The following KDM4C variants were observed in gnomAD, a reference collection of about 807,000 sequenced individuals.
KDM4C encodes lysine demethylase 4C.
In KDM4C, 81 loss-of-function variants were observed where a neutral mutation model predicts 129.3. That is an observed-to-expected ratio of 0.63 (90% CI 0.52 to 0.75). The LOEUF (loss-of-function observed/expected upper bound fraction) is 0.75. Among genes scored for constraint, KDM4C ranks in the 30% least tolerant of loss-of-function variants. The pLI, the probability that KDM4C is intolerant of heterozygous loss-of-function variation, is 0.00. For synonymous variants in KDM4C, 573 were observed against 456.1 expected, an observed-to-expected ratio of 1.26 and a Z score of -3.26; for missense variants, 1,457 against 1,304.0, an observed-to-expected ratio of 1.12 and a Z score of -1.81.
intron 9 of KDM4C, among the ~76,000 whole-genome samples, chr9:6,983,469 G>C (rs1441362712): frequency 1.3e-5 from 2 of 152,056 alleles, no homozygotes; most frequent in Non-Finnish European, 2.9e-5. Context: ...GAATGTGGTG[G>C]CTCATGCCTG....
chr9:6,815,764 C>T (rs944300456), intron 4 of KDM4C, among the ~76,000 whole-genome samples: 2 of 152,120 alleles, frequency 1.3e-5, no homozygotes, highest in Non-Finnish European at 2.9e-5. Flanking sequence ...GCAAATACTC[C>T]AAAATGGGGA....
rs1817923695 is a variant in KDM4C at position 6,747,539 on chromosome 9, C to CAGA, written c.49+26543_49+26544insGAA. 1.5e-4 allele frequency among the ~76,000 whole-genome samples: 15 copies of CAGA among 98,006 alleles called. No individual in the cohort carries two copies. In the South Asian group the frequency reaches 4.9e-3, roughly 32 times the overall value. The allele number at this position is 98,006 out of a possible 152,430, so 64.3% of individuals were successfully genotyped here. On this transcript the variant is annotated intron_variant, in intron 1 of 17. Coordinates refer to the KDM4C transcript ENST00000536108. ...CTCCAACCTGGATGACAGGGCGATT[C>CAGA]AAAAAAAAAAAAAAAAAAAAGAATA...
chr9:6,875,838 T>G (rs1296199173), intron 5 of KDM4C, among the ~76,000 whole-genome samples: 1 of 152,200 alleles, frequency 6.6e-6, no homozygotes, highest in Admixed American at 6.5e-5. Flanking sequence ...TGGCAGGTGC[T>G]CAGCACCTAT....
At chr9:6,782,737 C>G (rs974503472) in intron 1 of KDM4C, among the ~76,000 whole-genome samples, 28 of 151,978 alleles carry the variant, frequency 1.8e-4, no homozygotes, top group African/African-American at 6.5e-4. Flanking sequence ...CGATATTGAG[C>G]TATTGAAGGG....
chr9:7,009,870 C>G (rs1044626045), intron 12 of KDM4C, among the ~76,000 whole-genome samples: 1 of 152,050 alleles, frequency 6.6e-6, no homozygotes, highest in African/African-American at 2.4e-5. Context: ...TAGAACATTT[C>G]TCATAGACTC....
chr9:6,975,587 A>G (rs1036332563), intron 8 of KDM4C, among the ~76,000 whole-genome samples: 1 of 152,128 alleles, frequency 6.6e-6, no homozygotes, highest in Non-Finnish European at 1.5e-5. Context: ...AAGGTTATTT[A>G]ACAAACATTT....
At chr9:6,754,045 T>A (rs1818161893), upstream of KDM4C, among the ~76,000 whole-genome samples, 1 of 151,460 alleles carries the variant, frequency 6.6e-6, no homozygotes, top group Non-Finnish European at 1.5e-5. Flanking sequence ...TGGCTAATTT[T>A]TTGTATTTTT....
At chr9:6,830,121 A>G (rs1003217998) in intron 4 of KDM4C, among the ~76,000 whole-genome samples, 1 of 152,244 alleles carries the variant, frequency 6.6e-6, no homozygotes, top group Non-Finnish European at 1.5e-5. Flanking sequence ...AACAACTTAC[A>G]TGTTACAAAG....
At chr9:6,764,069 T>G (rs1318958342) in intron 1 of KDM4C, among the ~76,000 whole-genome samples, 2 of 152,192 alleles carry the variant, frequency 1.3e-5, no homozygotes. Context: ...AGAATACACT[T>G]TTAACAGTTT....
chr9:6,775,463 T>C (rs910304192), intron 1 of KDM4C, among the ~76,000 whole-genome samples: 7 of 152,152 alleles, frequency 4.6e-5, no homozygotes, highest in African/African-American at 1.7e-4. Flanking sequence ...GAAAATGCTG[T>C]AATGAACATT....
intron 4 of KDM4C, among the ~76,000 whole-genome samples, chr9:6,825,948 C>G (rs940234081): frequency 9.9e-5 from 15 of 152,218 alleles, no homozygotes; most frequent in African/African-American, 2.6e-4. Flanking sequence ...GTAGCTGGGA[C>G]TACGTGTGTG....
At chr9:6,792,853 G>C in intron 1 of KDM4C, 119 bp from the exon 2 acceptor site, 2 of 978,192 alleles carry the variant, frequency 2.0e-6, no homozygotes, top group Non-Finnish European at 3.1e-6. Context: ...CTGGTAGAAG[G>C]GAATGGGAAG....
intron 15 of KDM4C, among the ~76,000 whole-genome samples, chr9:7,030,344 A>G (rs79813138): frequency 1.3e-5 from 2 of 152,362 alleles, no homozygotes; most frequent in African/African-American, 2.4e-5. Flanking sequence ...ATCATTATAC[A>G]TCATTCATCT....
chr9:7,074,415 C>T (rs113323619), intron 17 of KDM4C, among the ~76,000 whole-genome samples: 2 of 152,116 alleles, frequency 1.3e-5, no homozygotes, highest in Non-Finnish European at 2.9e-5. Flanking sequence ...GATCCACCCA[C>T]CTTGGTCTGC....
At chr9:6,791,686 G>A (rs1028321266) in intron 1 of KDM4C, among the ~76,000 whole-genome samples, 1 of 152,200 alleles carries the variant, frequency 6.6e-6, no homozygotes, top group Non-Finnish European at 1.5e-5. Context: ...TTCAGAACTG[G>A]TATATAGAAG....
intron 8 of KDM4C, chr9:6,924,768 GT>G (rs1269157741): frequency 4.0e-5 from 39 of 983,368 alleles, no homozygotes; most frequent in Non-Finnish European, 4.3e-5. Flanking sequence ...AACTTAAAAT[GT>G]TTAAAGTTAT....
At chr9:6,936,269 T>A (rs1403496519) in intron 8 of KDM4C, among the ~76,000 whole-genome samples, 1 of 152,238 alleles carries the variant, frequency 6.6e-6, no homozygotes, top group Non-Finnish European at 1.5e-5. Flanking sequence ...TTTACATATG[T>A]TAGAAAGATA....
At position 6,981,820 on chromosome 9, in the gene KDM4C, T is replaced by G. The variant is rs575380509; in HGVS notation, c.1115+702T>G. On this transcript the variant is annotated intron_variant, in intron 9 of 21. Transcript: ENST00000381309. ...TTATGTTAAATTTTCCTCTTCAATA[T>G]TACTCATTGTTTTTCTTTCAGATTA... 1.0e-3 allele frequency: 276 copies of G among 268,622 alleles called. 3 individuals carry two copies. The Middle Eastern group carries it at 0.013, about 13-fold the overall frequency. The allele number at this position is 268,622 out of a possible 1,614,324, so 16.6% of individuals were successfully genotyped here.
chr9:6,806,284 C>G (rs894322911), intron 3 of KDM4C, among the ~76,000 whole-genome samples: 2 of 152,118 alleles, frequency 1.3e-5, no homozygotes, highest in African/African-American at 4.8e-5. Context: ...CACCTGAGGT[C>G]GGGAGTTCAA....
Sources: allele counts gnomAD v4.1 joint callset (sites outside exome capture counted in the v4.1 genomes callset), GRCh38; gene constraint gnomAD v4.1.1; transcripts MANE v1.5; gene names NCBI Gene and HGNC (gene_info 2026-07-23, HGNC 2026-07-21).